The following ROR1 variants were observed in gnomAD, a reference collection of about 807,000 sequenced individuals.
ROR1 encodes the protein ROR family WNT receptor 1, also known as inactive tyrosine-protein kinase transmembrane receptor ROR1.
A neutral mutation model predicts 78.8 loss-of-function variants in ROR1; 19 were observed. The ratio of observed to expected loss-of-function variants is 0.24; its 90% CI spans 0.17 to 0.35. The LOEUF (loss-of-function observed/expected upper bound fraction) is 0.35. Among genes scored for constraint, ROR1 ranks in the 10% least tolerant of loss-of-function variants. The pLI, the probability that ROR1 is intolerant of heterozygous loss-of-function variation, is 1.00. For synonymous variants in ROR1, 386 were observed against 433.6 expected (o/e 0.89, Z 1.36); for missense variants, 917 against 1,177.8 (o/e 0.78, Z 3.24).
intron 1 of ROR1, among the ~76,000 whole-genome samples, chr1:63,820,204 G>A (rs1644915457): frequency 1.3e-5 from 2 of 152,172 alleles, no homozygotes. Flanking sequence ...TGACACATTT[G>A]AAGCCATTGT....
chr1:63,842,255 G>A (rs202110222), intron 1 of ROR1, among the ~76,000 whole-genome samples: 1 of 109,152 alleles, frequency 9.2e-6, no homozygotes, highest in Non-Finnish European at 1.6e-5. Flanking sequence ...AAATGAACTT[G>A]CCTGCCACAG....
chr1:63,849,383 G>A (rs979191185), intron 1 of ROR1, among the ~76,000 whole-genome samples: 1 of 152,074 alleles, frequency 6.6e-6, no homozygotes, highest in African/African-American at 2.4e-5. Context: ...AGTTTGTGAT[G>A]GCCACCAGTC....
At chr1:63,897,241 C>G (rs978686902) in intron 1 of ROR1, among the ~76,000 whole-genome samples, 1 of 152,124 alleles carries the variant, frequency 6.6e-6, no homozygotes, top group African/African-American at 2.4e-5. Context: ...AAAATGTAAC[C>G]TTCGACAAAA....
chr1:64,031,502 A>G (rs1040994828), intron 2 of ROR1, among the ~76,000 whole-genome samples: 2 of 152,228 alleles, frequency 1.3e-5, no homozygotes, highest in African/African-American at 4.8e-5. Context: ...CTCCCCCAAA[A>G]GAATTTGGGT....
intron 4 of ROR1, among the ~76,000 whole-genome samples, chr1:64,084,604 A>T (rs1016353332): frequency 8.5e-5 from 13 of 152,206 alleles, no homozygotes; most frequent in African/African-American, 2.9e-4. Flanking sequence ...GTGGCTCTTT[A>T]TGGAGAGGAC....
At chr1:63,788,725 G>C (rs1281380546) in intron 1 of ROR1, 1 of 400,196 alleles carries the variant, frequency 2.5e-6, no homozygotes, top group Non-Finnish European at 4.9e-6. Flanking sequence ...TTATTTCCTT[G>C]TCTCTTCCTC....
At chr1:63,867,941 G>A (rs1049588186) in intron 1 of ROR1, among the ~76,000 whole-genome samples, 1 of 152,206 alleles carries the variant, frequency 6.6e-6, no homozygotes, top group Admixed American at 6.5e-5. Context: ...CATGTCGTTA[G>A]TTCCCTTTGG....
intron 4 of ROR1, among the ~76,000 whole-genome samples, chr1:64,118,301 T>G (rs1018046115): frequency 2.6e-5 from 4 of 152,172 alleles, no homozygotes; most frequent in Non-Finnish European, 5.9e-5. Flanking sequence ...GCCTGGCCTT[T>G]CTGTATTTAG....
chr1:64,012,162 A>G (rs1646481033), intron 2 of ROR1, among the ~76,000 whole-genome samples: 1 of 152,200 alleles, frequency 6.6e-6, no homozygotes, highest in Non-Finnish European at 1.5e-5. Flanking sequence ...TTTGAAAACT[A>G]TGGGTACTCT....
chr1:63,837,809 G>A (rs778638066), intron 1 of ROR1, among the ~76,000 whole-genome samples: 1 of 152,132 alleles, frequency 6.6e-6, no homozygotes, highest in Non-Finnish European at 1.5e-5. Context: ...TGACAGAAAC[G>A]AGATTCCGTC....
At chr1:63,830,753 T>C (rs372614370) in intron 1 of ROR1, among the ~76,000 whole-genome samples, 4 of 152,282 alleles carry the variant, frequency 2.6e-5, no homozygotes, top group African/African-American at 7.2e-5. Flanking sequence ...TCCCCCAAAG[T>C]CTTAACTCAT....
chr1:63,792,597 A>G (rs1330672250), intron 1 of ROR1, among the ~76,000 whole-genome samples: 1 of 152,242 alleles, frequency 6.6e-6, no homozygotes, highest in Non-Finnish European at 1.5e-5. Context: ...CTGATTTATA[A>G]AATGGGCTAA....
intron 1 of ROR1, among the ~76,000 whole-genome samples, chr1:63,863,367 G>A (rs1305636355): frequency 6.6e-6 from 1 of 152,134 alleles, no homozygotes; most frequent in Non-Finnish European, 1.5e-5. Flanking sequence ...TGAGTAAACA[G>A]ATAGACACTT....
At chr1:63,840,803 C>A (rs1014460255) in intron 1 of ROR1, among the ~76,000 whole-genome samples, 6 of 152,090 alleles carry the variant, frequency 3.9e-5, no homozygotes. Context: ...CTGGGTGAAC[C>A]GGAGTAAGTT....
At chr1:64,083,028 T>C (rs1293885629) in intron 4 of ROR1, among the ~76,000 whole-genome samples, 2 of 152,148 alleles carry the variant, frequency 1.3e-5, no homozygotes, top group African/African-American at 4.8e-5. Context: ...TTGAAAGCAA[T>C]CAGGATTGAG....
At chr1:64,159,289 A>C in intron 8 of ROR1, 97 bp downstream of exon 8, 1 of 952,372 alleles carries the variant, frequency 1.1e-6, no homozygotes, top group South Asian at 1.4e-5. Flanking sequence ...ATGATATGGA[A>C]TCAGAGTTTT....
Position 64,112,929 on chromosome 1 carries a change from T to C in ROR1, c.483-24440T>C, listed in dbSNP as rs573909835. Among the ~76,000 whole-genome samples the C allele has an allele frequency of 3.3e-5, 5 of 152,246 alleles. No individual in the cohort carries two copies. In the South Asian group the frequency reaches 8.3e-4, roughly 25 times the overall value. On this transcript the variant is annotated intron_variant, in intron 4 of 8. Coordinates refer to ENST00000371079, the MANE Select transcript of ROR1 (RefSeq NM_005012.4). Reference sequence around the variant, plus strand: ...GCCTGCCAGCATTCCCTATTTCACCTCTCCACATTGCCGCACTAATTTGCA... The same window carrying C: ...GCCTGCCAGCATTCCCTATTTCACCCCTCCACATTGCCGCACTAATTTGCA...
At chr1:63,815,654 A>T (rs1181078382) in intron 1 of ROR1, among the ~76,000 whole-genome samples, 2 of 151,852 alleles carry the variant, frequency 1.3e-5, no homozygotes, top group Non-Finnish European at 2.9e-5. Flanking sequence ...TTACTCTATC[A>T]GTTGGCAAGG....
chr1:63,911,869 A>G (rs1233133355), intron 1 of ROR1, among the ~76,000 whole-genome samples: 1 of 152,118 alleles, frequency 6.6e-6, no homozygotes, highest in Admixed American at 6.5e-5. Flanking sequence ...CTCAAGCTGT[A>G]GGTGTCAGGC....
Sources: allele counts gnomAD v4.1 joint callset (sites outside exome capture counted in the v4.1 genomes callset), GRCh38; gene constraint gnomAD v4.1.1; transcripts MANE v1.5; gene names NCBI Gene and HGNC (gene_info 2026-07-23, HGNC 2026-07-21).